PTPRN2: variants seen among roughly 807,000 people sequenced by gnomAD.
PTPRN2 encodes protein tyrosine phosphatase receptor type N2.
Under a neutral mutation model 118.8 loss-of-function variants are expected in PTPRN2, and 74 were observed. That is an observed-to-expected ratio of 0.62 (90% CI 0.52 to 0.76). The LOEUF is 0.76. Ranked by LOEUF, PTPRN2 falls within the 30% of genes least tolerant of loss-of-function variation. The probability of loss-of-function intolerance (pLI) is 0.00; values close to 1 mark genes in which losing one functional copy is unlikely to be tolerated. For missense variants in PTPRN2, 1,481 were observed against 1,394.4 expected, an observed-to-expected ratio of 1.06 and a Z score of -0.99; for synonymous variants, 641 against 608.0, an observed-to-expected ratio of 1.05 and a Z score of -0.80.
chr7:158,385,729 G>A (rs917555478), intron 2 of PTPRN2, among the ~76,000 whole-genome samples: 2 of 152,298 alleles, frequency 1.3e-5, no homozygotes, highest in Non-Finnish European at 2.9e-5. Context: ...CCAGAAAACG[G>A]TTTCAAGTCC....
At chr7:158,561,805 C>T (rs910270829) in intron 1 of PTPRN2, among the ~76,000 whole-genome samples, 32 of 152,328 alleles carry the variant, frequency 2.1e-4, no homozygotes, top group South Asian at 8.3e-4. Context: ...CAAACTCTCA[C>T]TAGGGGGGAC....
rs181923948 is a variant in PTPRN2, at chr7:157,769,051, A to C, written c.1789-86114T>G. The stretch of plus-strand genomic sequence containing the variant: ...AAAATATGGCCGTAATGTTGGCATA[A>C]TTTTTCATGATCATCTTCATTAACC... On this transcript the variant is annotated intron_variant, in intron 12 of 22. Transcript: ENST00000389418. Among the ~76,000 whole-genome samples the C allele has an allele frequency of 2.0e-4, 31 of 152,186 alleles. 1 individual carries two copies. The highest frequency in any genetic ancestry group is 1.5e-3 in the Admixed American group (23 of 15,294).
intron 15 of PTPRN2, among the ~76,000 whole-genome samples, chr7:157,604,873 G>A (rs560031854): frequency 9.2e-5 from 14 of 152,302 alleles, no homozygotes; most frequent in African/African-American, 2.9e-4. Flanking sequence ...TGCTGTGGCC[G>A]CCCTCCTCTT....
intron 6 of PTPRN2, among the ~76,000 whole-genome samples, chr7:158,163,017 T>C (rs1054188190): frequency 1.3e-5 from 2 of 152,178 alleles, no homozygotes; most frequent in East Asian, 3.9e-4. Flanking sequence ...AGTTGCTCTT[T>C]GTGTGTTGAG....
At position 157,690,257 on chromosome 7, in the gene PTPRN2, G is replaced by A. The variant is rs191702410; in HGVS notation, c.1789-7320C>T. The stretch of plus-strand genomic sequence containing the variant: ...CACAGGCCCACCCTAGACCCACTTG[G>A]GGATGATCCCAGGCGCAGCTCTCCC... On this transcript the variant is annotated intron_variant, in intron 12 of 22. Coordinates refer to ENST00000389418, the MANE Select transcript of PTPRN2 (RefSeq NM_002847.5). The surrounding 1 kb of genome is among the most constrained non-coding windows in gnomAD (Gnocchi z 7.1). 6.6e-6 allele frequency among the ~76,000 whole-genome samples: 1 copy of A among 152,178 alleles called. No individual in the cohort carries two copies. Among genetic ancestry groups the A allele is most frequent in the South Asian group, 2.1e-4 (1 of 4,826 alleles).
intron 12 of PTPRN2, among the ~76,000 whole-genome samples, chr7:157,760,684 G>A (rs1354698213): frequency 6.6e-6 from 1 of 152,094 alleles, no homozygotes; most frequent in Non-Finnish European, 1.5e-5. Flanking sequence ...ACCTGCTGGG[G>A]TACTTGCCTT....
intron 2 of PTPRN2, among the ~76,000 whole-genome samples, chr7:158,370,478 CGCAGTGGCTCACGCCTGTAATCCCA>C (rs1463718311): frequency 2.7e-5 from 4 of 149,996 alleles, no homozygotes; most frequent in Non-Finnish European, 5.9e-5. Context: ...GAGGGCTGGG[CGCAGTGGCTCACGCCTGTAATCCCA>C]GCACTTTGGG....
chr7:157,737,785 G>A (rs181613213), intron 12 of PTPRN2, among the ~76,000 whole-genome samples: 5 of 152,370 alleles, frequency 3.3e-5, no homozygotes, highest in African/African-American at 7.2e-5. Flanking sequence ...CCACAAGGCC[G>A]GCTTAGAAGG....
intron 2 of PTPRN2, among the ~76,000 whole-genome samples, chr7:158,329,678 T>C (rs2151144250): frequency 6.6e-6 from 1 of 152,306 alleles, no homozygotes; most frequent in South Asian, 2.1e-4. Context: ...TGAGCAGCCT[T>C]CATGGACTAA....
intron 11 of PTPRN2, among the ~76,000 whole-genome samples, chr7:157,931,791 CTG>C (rs1799373261): frequency 6.6e-6 from 1 of 152,122 alleles, no homozygotes; most frequent in African/African-American, 2.4e-5. Context: ...GGAATTACGG[CTG>C]CCGTGCAGGG....
intron 12 of PTPRN2, among the ~76,000 whole-genome samples, chr7:157,698,840 T>A (rs566869915): frequency 8.7e-4 from 133 of 152,366 alleles, no homozygotes; most frequent in African/African-American, 3.2e-3. Flanking sequence ...GTATATATAT[T>A]GTATTTTCAT....
chr7:158,291,144 G>A (rs1421394409), intron 3 of PTPRN2, among the ~76,000 whole-genome samples: 1 of 152,218 alleles, frequency 6.6e-6, no homozygotes, highest in African/African-American at 2.4e-5. Flanking sequence ...ACTTGGTGAT[G>A]ATGTAACAGC....
At chr7:158,534,605 C>T (rs1825528623) in intron 1 of PTPRN2, among the ~76,000 whole-genome samples, 1 of 152,190 alleles carries the variant, frequency 6.6e-6, no homozygotes, top group Admixed American at 6.5e-5. Flanking sequence ...ATCCATCTTG[C>T]AATGGAGCTG....
At chr7:158,269,818 A>G (rs1262769898) in intron 3 of PTPRN2, among the ~76,000 whole-genome samples, 1 of 152,060 alleles carries the variant, frequency 6.6e-6, no homozygotes, top group East Asian at 1.9e-4. Context: ...AGAGACAGAG[A>G]TAGAAAGAGA....
intron 15 of PTPRN2, chr7:157,613,985 G>A: frequency 2.1e-6 from 1 of 470,568 alleles, no homozygotes; most frequent in Non-Finnish European, 4.4e-6. Flanking sequence ...AGCTCACAGG[G>A]CTGGCCTCCA....
rs552302476 is a variant in PTPRN2, at chr7:157,671,369, G to A, written c.2001+11356C>T. On this transcript the variant is annotated intron_variant, in intron 13 of 22. Coordinates refer to ENST00000389418, the MANE Select transcript of PTPRN2 (RefSeq NM_002847.5). The surrounding 1 kb of genome is among the most constrained non-coding windows in gnomAD (Gnocchi z 4.1). Reference sequence around the variant, plus strand: ...GGAGGGATGGTGACGAGACGTCACCGCAGAGGCGGCAGAAGGGATAAAGGG... The same window carrying A: ...GGAGGGATGGTGACGAGACGTCACCACAGAGGCGGCAGAAGGGATAAAGGG... Among the ~76,000 whole-genome samples, 6 of 152,284 alleles carry A rather than the reference G, an allele frequency of 3.9e-5. No homozygotes were observed. Among genetic ancestry groups the A allele is most frequent in the South Asian group, 2.1e-4 (1 of 4,822 alleles).
Position 157,615,150 on chromosome 7 carries a change from C to G in PTPRN2, c.2344+6212G>C, listed in dbSNP as rs746680040. ...TCACGCTAATACGGCCAACACTGGG[C>G]GGCTGGCCAGCGTGGGTGGTGGGTG... On this transcript the variant is annotated intron_variant, in intron 15 of 22. Coordinates refer to ENST00000389418, the MANE Select transcript of PTPRN2 (RefSeq NM_002847.5). The surrounding 1 kb of genome is among the most constrained non-coding windows in gnomAD (Gnocchi z 4.3). Among the ~76,000 whole-genome samples, 5 of 152,238 alleles carry G rather than the reference C, an allele frequency of 3.3e-5. No individual in the cohort carries two copies. The South Asian group carries it at 8.3e-4, about 25-fold the overall frequency.
chr7:158,188,993 C>T (rs10245379), intron 5 of PTPRN2, among the ~76,000 whole-genome samples: 66 of 152,274 alleles, frequency 4.3e-4, no homozygotes, highest in African/African-American at 1.5e-3. Flanking sequence ...ACACTGTGCT[C>T]GGCCTAGGAA....
At chr7:157,917,023 A>G (rs1054590646) in intron 11 of PTPRN2, among the ~76,000 whole-genome samples, 5 of 132,486 alleles carry the variant, frequency 3.8e-5, no homozygotes, top group African/African-American at 1.5e-4. Flanking sequence ...GGACACGTCC[A>G]ATACACGTCC....
Sources: allele counts gnomAD v4.1 joint callset (sites outside exome capture counted in the v4.1 genomes callset), GRCh38; gene constraint gnomAD v4.1.1; non-coding constraint Gnocchi (gnomAD v3.1); transcripts MANE v1.5; gene names NCBI Gene and HGNC (gene_info 2026-07-23, HGNC 2026-07-21).